The following ZER1 variants were observed in gnomAD, a reference collection of about 807,000 sequenced individuals.
ZER1 encodes the protein protein zer-1 homolog.
Under a neutral mutation model 78.8 loss-of-function variants are expected in ZER1, and 11 were observed. The observed-to-expected ratio is 0.14, with a 90% confidence interval of 0.09 to 0.23. The LOEUF (loss-of-function observed/expected upper bound fraction) is 0.23. Among genes scored for constraint, ZER1 ranks in the 10% least tolerant of loss-of-function variants. The pLI is 1.00. For missense variants in ZER1, 588 were observed against 996.9 expected (o/e 0.59, Z 5.52); for synonymous variants, 400 against 407.0 (o/e 0.98, Z 0.21).
intron 13 of ZER1, among the ~76,000 whole-genome samples, 199 bp downstream of exon 13, chr9:128,739,732 C>T (rs775931756): frequency 1.3e-4 from 20 of 152,034 alleles, no homozygotes; most frequent in Non-Finnish European, 2.9e-4. Context: ...ATGACAAATG[C>T]TCCAGGCTGC....
chr9:128,759,809 A>T (rs1031552382), intron 1 of ZER1, among the ~76,000 whole-genome samples: 5 of 152,122 alleles, frequency 3.3e-5, no homozygotes, highest in African/African-American at 1.2e-4. Flanking sequence ...AAAAAGAAAA[A>T]AATTAATCAG....
chr9:128,755,459 AGCCGCAGGGTCTCCTT>A lies in ZER1; in HGVS notation c.91_106del (p.Lys31TyrfsTer23). 1.2e-6 allele frequency: 2 copies of A among 1,614,062 alleles called. No homozygotes were observed. The highest frequency in any genetic ancestry group is 1.7e-6 in the Non-Finnish European group (2 of 1,180,034). On this transcript the variant is annotated frameshift_variant, in exon 2 of 16. Coordinates refer to ENST00000291900, the MANE Select transcript of ZER1 (RefSeq NM_006336.4). LOFTEE classifies it high-confidence loss of function. This position sits in a 1 kb window ranked among gnomAD's most constrained non-coding sequence, Gnocchi z 5.6. The stretch of plus-strand genomic sequence containing the variant: ...GCTGGGCAAGAAGATGTCCGGATGT[AGCCGCAGGGTCTCCTT>A]GTCCAGCAGGTAGCCCAGGGTGCCA...
At chr9:128,764,906 T>C (rs1232631670) in intron 1 of ZER1, among the ~76,000 whole-genome samples, 7 of 152,054 alleles carry the variant, frequency 4.6e-5, no homozygotes, top group Admixed American at 4.6e-4. Context: ...TCATGAACAT[T>C]CGACATCCTG....
chr9:128,735,269 C>T (rs1863026423), intron 14 of ZER1, 65 bp downstream of exon 14: 1 of 1,451,924 alleles, frequency 6.9e-7, no homozygotes, highest in Non-Finnish European at 9.4e-7. Flanking sequence ...GGACTACAAA[C>T]TCCCTGAGGG....
At chr9:128,731,729 A>T (rs1345659423) in intron 15 of ZER1, among the ~76,000 whole-genome samples, 1 of 151,712 alleles carries the variant, frequency 6.6e-6, no homozygotes, top group East Asian at 1.9e-4. Context: ...TTCTTTAGCG[A>T]CCTCTTCTTC....
At chr9:128,752,322 ACTTT>A (rs1272558670) in intron 5 of ZER1, among the ~76,000 whole-genome samples, 1 of 149,728 alleles carries the variant, frequency 6.7e-6, no homozygotes, top group African/African-American at 2.5e-5. Context: ...CTTGGCAAAT[ACTTT>A]CTTTTTTTTT....
At position 128,740,254 on chromosome 9, in the gene ZER1, G is replaced by T; in HGVS notation, c.1854-135C>A. On this transcript the variant is annotated intron_variant, in intron 12 of 15. Coordinates refer to ENST00000291900, the MANE Select transcript of ZER1 (RefSeq NM_006336.4). This position sits in a 1 kb window ranked among gnomAD's most constrained non-coding sequence, Gnocchi z 4.4. The stretch of plus-strand genomic sequence containing the variant: ...TTATCCCATATCGTCTATATACCCA[G>T]ACTACTTCTAAAGGGATTTGAGGTC... The T allele has an allele frequency of 1.1e-6, 1 of 875,496 alleles. No individual in the cohort carries two copies. The highest frequency in any genetic ancestry group is 1.7e-6 in the Non-Finnish European group (1 of 577,840). The allele number at this position is 875,496 out of a possible 1,614,324, so 54.2% of individuals were successfully genotyped here.
intron 1 of ZER1, among the ~76,000 whole-genome samples, chr9:128,757,124 A>C (rs888564425): frequency 1.3e-5 from 2 of 152,242 alleles, no homozygotes; most frequent in Admixed American, 6.5e-5. Context: ...AGAAGAAAAC[A>C]CAGGAGTATA....
intron 1 of ZER1, among the ~76,000 whole-genome samples, chr9:128,761,627 C>T (rs1423415237): frequency 7.9e-6 from 1 of 127,284 alleles, no homozygotes; most frequent in Non-Finnish European, 1.6e-5. Context: ...TTTTTTGAGA[C>T]AGAGTCTCAC....
In ZER1 at chr9:128,732,821, C is replaced by T. The variant is rs1011068896; in HGVS notation, c.2243+605G>A. On this transcript the variant is annotated intron_variant, in intron 15 of 15. Transcript: ENST00000291900. The surrounding 1 kb of genome is among the most constrained non-coding windows in gnomAD (Gnocchi z 4.8). ...CCATGAAAAAGTGTGCTCGGGTCAG[C>T]TTGACTGTTCTCCCTTCTAGAATGA... 6.5e-6 allele frequency: 1 copy of T among 153,014 alleles called. No individual in the cohort carries two copies. Among genetic ancestry groups the T allele is most frequent in the Non-Finnish European group, 1.5e-5 (1 of 68,544 alleles). 9.5% of individuals were successfully genotyped at this position (153,014 alleles called of 1,614,324 possible). A position where few individuals can be genotyped will look rare whatever the true frequency, so the allele number is the denominator to read the frequency against.
In ZER1 at chr9:128,740,441, G is replaced by A. The variant is rs1486158134; in HGVS notation, c.1854-322C>T. Among the ~76,000 whole-genome samples the A allele has an allele frequency of 4.6e-5, 7 of 151,996 alleles. No homozygotes were observed. The highest frequency in any genetic ancestry group is 1.9e-4 in the East Asian group (1 of 5,156). On this transcript the variant is annotated intron_variant, in intron 12 of 15. Coordinates refer to ENST00000291900, the MANE Select transcript of ZER1 (RefSeq NM_006336.4). The surrounding 1 kb of genome is among the most constrained non-coding windows in gnomAD (Gnocchi z 4.4). ...AAAAATACAAAAAAATTAGCTGGGC[G>A]TGGTGGCAGGCGCCTGTAGTCTCAG...
intron 8 of ZER1, among the ~76,000 whole-genome samples, chr9:128,747,171 C>T (rs564879993): frequency 6.6e-6 from 1 of 152,086 alleles, no homozygotes; most frequent in South Asian, 2.1e-4. Flanking sequence ...TACACTCCAG[C>T]CTGAGCAACA....
chr9:128,743,756 G>A (rs1863386380), intron 8 of ZER1, among the ~76,000 whole-genome samples: 1 of 150,404 alleles, frequency 6.6e-6, no homozygotes, highest in Non-Finnish European at 1.5e-5. Context: ...TTTGAGACAG[G>A]GTCTCACTCT....
intron 1 of ZER1, among the ~76,000 whole-genome samples, chr9:128,765,308 G>T (rs1232802724): frequency 6.6e-6 from 1 of 152,100 alleles, no homozygotes; most frequent in Non-Finnish European, 1.5e-5. Context: ...CCCAATTTAT[G>T]CCTGGTGTTT....
At chr9:128,738,206 G>C (rs971077967) in intron 13 of ZER1, among the ~76,000 whole-genome samples, 2 of 145,580 alleles carry the variant, frequency 1.4e-5, no homozygotes, top group African/African-American at 5.0e-5. Flanking sequence ...CACCACGCCC[G>C]GCTAATTTTT....
At position 128,732,836 on chromosome 9, in the gene ZER1, T is replaced by A. The variant is rs551970658; in HGVS notation, c.2243+590A>T. 6.5e-6 allele frequency: 1 copy of A among 153,506 alleles called. No homozygotes were observed. The highest frequency in any genetic ancestry group is 2.0e-4 in the South Asian group (1 of 4,890). 9.5% of individuals were successfully genotyped at this position (153,506 alleles called of 1,614,324 possible). A position where few individuals can be genotyped will look rare whatever the true frequency, so the allele number is the denominator to read the frequency against. On this transcript the variant is annotated intron_variant, in intron 15 of 15. Coordinates refer to ENST00000291900, the MANE Select transcript of ZER1 (RefSeq NM_006336.4). This position sits in a 1 kb window ranked among gnomAD's most constrained non-coding sequence, Gnocchi z 4.8. ...CTCGGGTCAGCTTGACTGTTCTCCC[T>A]TCTAGAATGAATCCTGGAGAAAACA...
chr9:128,740,620 C>G lies in ZER1; in HGVS notation c.1853+152G>C, dbSNP rs139540251. The G allele has an allele frequency of 3.6e-6, 2 of 562,092 alleles. No homozygotes were observed. Among genetic ancestry groups the G allele is most frequent in the African/African-American group, 3.8e-5 (2 of 53,004 alleles). 34.8% of individuals were successfully genotyped at this position (562,092 alleles called of 1,614,324 possible). A position where few individuals can be genotyped will look rare whatever the true frequency, so the allele number is the denominator to read the frequency against. On this transcript the variant is annotated intron_variant, in intron 12 of 15. Coordinates refer to ENST00000291900, the MANE Select transcript of ZER1 (RefSeq NM_006336.4). The surrounding 1 kb of genome is among the most constrained non-coding windows in gnomAD (Gnocchi z 4.4). The stretch of plus-strand genomic sequence containing the variant: ...GATATAATTACAAAAGGACCACTTA[C>G]GAAGGATTGAATGAATAAGAAACCA...
intron 1 of ZER1, among the ~76,000 whole-genome samples, chr9:128,760,970 T>C (rs1431855565): frequency 5.9e-5 from 9 of 151,732 alleles, no homozygotes; most frequent in African/African-American, 2.4e-5. Flanking sequence ...CCATCCTGGC[T>C]AACACAGTGA....
intron 8 of ZER1, among the ~76,000 whole-genome samples, chr9:128,745,322 G>C (rs1274046373): frequency 6.6e-6 from 1 of 151,284 alleles, no homozygotes; most frequent in Non-Finnish European, 1.5e-5. Context: ...GAGTAGCTGG[G>C]ACTACAGGCG....
Sources: gnomAD v4.1 joint callset for allele counts (sites outside exome capture counted in the v4.1 genomes callset) on GRCh38, gnomAD v4.1.1 for gene constraint, Gnocchi (gnomAD v3.1) non-coding constraint, MANE v1.5 for transcripts, NCBI Gene and HGNC (gene_info 2026-07-23, HGNC 2026-07-21) for gene names.